The following GABRR2 variants were observed in gnomAD, a reference collection of about 807,000 sequenced individuals.
GABRR2 encodes gamma-aminobutyric acid receptor subunit rho-2.
Under a neutral mutation model 47.0 loss-of-function variants are expected in GABRR2, and 36 were observed. The ratio of observed to expected loss-of-function variants is 0.77; its 90% CI spans 0.59 to 1.01. The LOEUF is 1.01. Among genes scored for constraint, GABRR2 ranks in the 50% least tolerant of loss-of-function variants. The pLI is 0.00. For synonymous variants in GABRR2, 204 were observed against 227.5 expected (o/e 0.90, Z 0.93); for missense variants, 587 against 594.6 (o/e 0.99, Z 0.13).
chr6:89,310,008 C>G (rs1767653660), intron 1 of GABRR2, among the ~76,000 whole-genome samples: 1 of 144,268 alleles, frequency 6.9e-6, no homozygotes, highest in South Asian at 2.2e-4. Flanking sequence ...CTCAAGAGAT[C>G]TTCTTGCTGC....
chr6:89,261,021 G>C (rs537158083), intron 8 of GABRR2, among the ~76,000 whole-genome samples: 3 of 152,194 alleles, frequency 2.0e-5, no homozygotes, highest in Non-Finnish European at 4.4e-5. Flanking sequence ...GACAGAGGGG[G>C]AGACTTAGCG....
intron 2 of GABRR2, among the ~76,000 whole-genome samples, chr6:89,281,232 A>G (rs1774250860): frequency 6.6e-6 from 1 of 152,210 alleles, no homozygotes; most frequent in Admixed American, 6.5e-5. Flanking sequence ...TTCCTCCAGG[A>G]GCTTAAAATC....
chr6:89,278,805 G>A (rs575376215), intron 2 of GABRR2, among the ~76,000 whole-genome samples: 84 of 152,354 alleles, frequency 5.5e-4, no homozygotes, highest in African/African-American at 2.0e-3. Context: ...GGGGAGGTTG[G>A]CATATCAATA....
At chr6:89,270,236 G>A (rs1774017137) in intron 3 of GABRR2, among the ~76,000 whole-genome samples, 1 of 152,232 alleles carries the variant, frequency 6.6e-6, no homozygotes, top group South Asian at 2.1e-4. Context: ...AAGCTGAAGA[G>A]CAGGCTCTGA....
At chr6:89,285,257 A>G (rs1774314081) in intron 2 of GABRR2, among the ~76,000 whole-genome samples, 2 of 152,174 alleles carry the variant, frequency 1.3e-5, no homozygotes, top group Admixed American at 1.3e-4. Flanking sequence ...GCGCAAGGGA[A>G]TTGTTGTTAC....
chr6:89,272,197 T>C (rs1488984127), intron 2 of GABRR2, among the ~76,000 whole-genome samples: 1 of 152,138 alleles, frequency 6.6e-6, no homozygotes, highest in African/African-American at 2.4e-5. Flanking sequence ...GACCCTGACA[T>C]ATAGCTGGGG....
intron 1 of GABRR2, among the ~76,000 whole-genome samples, chr6:89,311,447 A>G (rs1360396187): frequency 1.3e-5 from 2 of 152,134 alleles, no homozygotes; most frequent in African/African-American, 2.4e-5. Flanking sequence ...GGCTATTTGT[A>G]TGAGCCATAT....
In GABRR2 at chr6:89,255,001, A is replaced by G. The variant is rs1018425560; in HGVS notation, c.*2669T>C. The stretch of plus-strand genomic sequence containing the variant: ...AACAGGCAACTATGTTATATGAGCC[A>G]TAATGCATGAAAACAATGCAGTCAG... On this transcript the variant is annotated 3_prime_UTR_variant, in exon 9 of 9. Transcript: ENST00000402938. Among the ~76,000 whole-genome samples, 1 of 152,248 alleles carries G rather than the reference A, an allele frequency of 6.6e-6. No individual in the cohort carries two copies. Among genetic ancestry groups the G allele is most frequent in the African/African-American group, 2.4e-5 (1 of 41,466 alleles).
chr6:89,292,805 G>GATATATCGTATATATCATATAT (rs1774488556), intron 2 of GABRR2, among the ~76,000 whole-genome samples: 1 of 8,046 alleles, frequency 1.2e-4, no homozygotes, highest in Non-Finnish European at 1.8e-4. Context: ...CGTATATATC[G>GATATATCGTATATATCATATAT]TATATACGAT....
At position 89,269,022 on chromosome 6, in the gene GABRR2, C is replaced by T; in HGVS notation, c.501G>A (p.Leu167=). 2 of 1,613,678 alleles carry T rather than the reference C, an allele frequency of 1.2e-6. No individual in the cohort carries two copies. Among genetic ancestry groups the T allele is most frequent in the Non-Finnish European group, 1.7e-6 (2 of 1,179,566 alleles). The change falls in exon 4 of 9, where the codon CTG becomes CTA. Residue 167 remains leucine, a synonymous_variant. Transcript: ENST00000402938. ...MLRVFPDGHV[L]YSMRITVTAM... ...CCCCAGACAGCTACCTCATGCTGTA[C>T]AGCACGTGTCCATCTGGGAACACCC... is the stretch of plus-strand genomic sequence containing the variant.
intron 2 of GABRR2, among the ~76,000 whole-genome samples, chr6:89,281,071 A>C (rs889643472): frequency 2.6e-5 from 4 of 152,258 alleles, no homozygotes; most frequent in African/African-American, 9.6e-5. Flanking sequence ...ATCAGAGATG[A>C]ATTTGAATAA....
intron 2 of GABRR2, among the ~76,000 whole-genome samples, chr6:89,291,101 G>T (rs944264563): frequency 6.6e-6 from 1 of 151,970 alleles, no homozygotes. Flanking sequence ...TCAGTGAATG[G>T]CCTCACCCAG....
At chr6:89,267,986 T>A (rs1319428739) in intron 5 of GABRR2, 28 bp downstream of exon 5, 1 of 1,601,504 alleles carries the variant, frequency 6.2e-7, no homozygotes, top group African/African-American at 1.3e-5. Flanking sequence ...GGAAAGAAAG[T>A]GAAGGAATTA....
At position 89,255,597 on chromosome 6, in the gene GABRR2, G is replaced by A. The variant is rs1222203938; in HGVS notation, c.*2073C>T. Among the ~76,000 whole-genome samples the A allele has an allele frequency of 6.6e-6, 1 of 152,142 alleles. No homozygotes were observed. The highest frequency in any genetic ancestry group is 1.5e-5 in the Non-Finnish European group (1 of 68,038). On this transcript the variant is annotated 3_prime_UTR_variant, in exon 9 of 9. Coordinates refer to ENST00000402938, the MANE Select transcript of GABRR2 (RefSeq NM_002043.5). ...GGGGAAGCTGTCCTCATAAGCACCG[G>A]CATGGTGGGGACCTGCCTTGATCCC...
intron 2 of GABRR2, among the ~76,000 whole-genome samples, chr6:89,279,504 C>CT (rs952534721): frequency 2.0e-5 from 3 of 151,430 alleles, no homozygotes; most frequent in Admixed American, 6.6e-5. Context: ...ATTCAAAAAA[C>CT]TTTTTTTTGG....
intron 2 of GABRR2, among the ~76,000 whole-genome samples, chr6:89,292,004 C>T (rs1257246784): frequency 6.6e-6 from 1 of 152,084 alleles, no homozygotes; most frequent in South Asian, 2.1e-4. Flanking sequence ...ACTGCCCTTC[C>T]AACTAGAGCA....
At chr6:89,314,779 C>G (rs1164189458) in intron 1 of GABRR2, among the ~76,000 whole-genome samples, 2 of 152,226 alleles carry the variant, frequency 1.3e-5, no homozygotes, top group Non-Finnish European at 2.9e-5. Context: ...CCCACTACGT[C>G]TCCAACTATT....
At chr6:89,305,291 G>A (rs1363635595) in intron 1 of GABRR2, among the ~76,000 whole-genome samples, 2 of 152,194 alleles carry the variant, frequency 1.3e-5, no homozygotes, top group African/African-American at 4.8e-5. Context: ...AGAGGTGGAG[G>A]TTGCAGTGTG....
intron 2 of GABRR2, among the ~76,000 whole-genome samples, chr6:89,276,387 T>A (rs1194624330): frequency 6.6e-6 from 1 of 152,012 alleles, no homozygotes; most frequent in Non-Finnish European, 1.5e-5. Context: ...AGAATCAATA[T>A]AAATTTCCAC....
Sources: gnomAD v4.1 joint callset for allele counts (sites outside exome capture counted in the v4.1 genomes callset) on GRCh38, gnomAD v4.1.1 for gene constraint, MANE v1.5 for transcripts, NCBI Gene and HGNC (gene_info 2026-07-23, HGNC 2026-07-21) for gene names.